The following GALNT13 variants were observed in gnomAD, a reference collection of about 807,000 sequenced individuals.
GALNT13 encodes polypeptide N-acetylgalactosaminyltransferase 13.
GALNT13 carries 28 observed loss-of-function variants against 64.2 expected under a neutral mutation model. The ratio of observed to expected loss-of-function variants is 0.44; its 90% CI spans 0.32 to 0.60. The LOEUF (loss-of-function observed/expected upper bound fraction) is 0.60, where lower values mean the gene tolerates loss of function less well. Ranked by LOEUF, GALNT13 falls within the 20% of genes least tolerant of loss-of-function variation. The probability of loss-of-function intolerance (pLI) is 0.05; values close to 1 mark genes in which losing one functional copy is unlikely to be tolerated. For synonymous variants in GALNT13, 214 were observed against 224.6 expected, an observed-to-expected ratio of 0.95 and a Z score of 0.42; for missense variants, 577 against 669.8, an observed-to-expected ratio of 0.86 and a Z score of 1.53.
chr2:153,682,000 A>G, the GALNT13 span, among the ~76,000 whole-genome samples: 17 of 151,682 alleles, frequency 1.1e-4, no homozygotes, highest in African/African-American at 4.1e-4. Context: ...GAATCTTTCT[A>G]TTGAGTAAAG....
At chr2:153,960,238 A>G (rs919050152) in intron 3 of GALNT13, among the ~76,000 whole-genome samples, 12 of 152,184 alleles carry the variant, frequency 7.9e-5, no homozygotes, top group Non-Finnish European at 1.6e-4. Flanking sequence ...TTGCTGCTTC[A>G]CTGATTGCTG....
chr2:153,112,505 T>C, the GALNT13 span, among the ~76,000 whole-genome samples: 2 of 151,464 alleles, frequency 1.3e-5, no homozygotes, highest in African/African-American at 4.9e-5. Flanking sequence ...TTTTGTTTTA[T>C]TTCTCAATTC....
At chr2:153,806,989 C>T in the GALNT13 span, among the ~76,000 whole-genome samples, 5 of 151,616 alleles carry the variant, frequency 3.3e-5, no homozygotes, top group Middle Eastern at 3.4e-3. Context: ...ATGGGGAAGG[C>T]GGAAAAGTGA....
chr2:153,939,722 A>T (rs1382162681), intron 2 of GALNT13, among the ~76,000 whole-genome samples: 1 of 152,176 alleles, frequency 6.6e-6, no homozygotes, highest in Admixed American at 6.5e-5. Context: ...GATGTTTCTG[A>T]TGATAACAAT....
chr2:154,448,390 G>A (rs554378107), intron 12 of GALNT13, among the ~76,000 whole-genome samples: 116 of 152,078 alleles, frequency 7.6e-4, no homozygotes, highest in Non-Finnish European at 1.5e-3. Context: ...GGGAAAAACT[G>A]TATTTGTAAG....
At chr2:154,278,015 C>G (rs1426423965) in intron 8 of GALNT13, among the ~76,000 whole-genome samples, 1 of 152,138 alleles carries the variant, frequency 6.6e-6, no homozygotes, top group Non-Finnish European at 1.5e-5. Context: ...CTTGCTTACT[C>G]CATAGCCTAG....
At chr2:153,965,742 C>G (rs1358904017) in intron 3 of GALNT13, among the ~76,000 whole-genome samples, 1 of 147,570 alleles carries the variant, frequency 6.8e-6, no homozygotes, top group Non-Finnish European at 1.5e-5. Flanking sequence ...ATCTTATAAT[C>G]AATGATTTTA....
In GALNT13 at chr2:154,058,691, G is replaced by C. The variant is rs574157863; in HGVS notation, c.143-81646G>C. On this transcript the variant is annotated intron_variant, in intron 3 of 12. Coordinates refer to ENST00000392825, the MANE Select transcript of GALNT13 (RefSeq NM_052917.4). ...TGGCATCATGTCTGCTGTGTTTGAA[G>C]AGTTGCAAGGGGCCAGTTTGGCTGG... Among the ~76,000 whole-genome samples the C allele has an allele frequency of 2.0e-4, 30 of 152,340 alleles. No individual in the cohort carries two copies. The East Asian group carries it at 5.6e-3, about 28-fold the overall frequency.
rs943394716 is a variant in GALNT13, at chr2:154,284,166, A to G, written c.976-17243A>G. On this transcript the variant is annotated intron_variant, in intron 8 of 12. Coordinates refer to ENST00000392825, the MANE Select transcript of GALNT13 (RefSeq NM_052917.4). ...TATTTAAGCAATTTTGAAATACAAA[A>G]TACATCATCATTAACTGTGGTCACC... is the stretch of plus-strand genomic sequence containing the variant. Among the ~76,000 whole-genome samples the G allele has an allele frequency of 8.5e-5, 13 of 152,282 alleles. No individual in the cohort carries two copies. In the South Asian group the frequency reaches 1.4e-3, roughly 17 times the overall value.
the GALNT13 span, among the ~76,000 whole-genome samples, chr2:153,857,163 T>G: frequency 6.6e-6 from 1 of 152,082 alleles, no homozygotes; most frequent in Non-Finnish European, 1.5e-5. Flanking sequence ...GTTTTCAAAT[T>G]TTGCAGGCTG....
the GALNT13 span, among the ~76,000 whole-genome samples, chr2:153,124,600 G>T: frequency 6.6e-6 from 1 of 152,112 alleles, no homozygotes; most frequent in Non-Finnish European, 1.5e-5. Context: ...CCACCTCCTG[G>T]GTTCAAGCGA....
At chr2:154,246,194 C>G (rs1393979867) in intron 7 of GALNT13, among the ~76,000 whole-genome samples, 1 of 151,922 alleles carries the variant, frequency 6.6e-6, no homozygotes, top group Non-Finnish European at 1.5e-5. Flanking sequence ...GGCAAAAATG[C>G]TAAATATCTT....
the GALNT13 span, among the ~76,000 whole-genome samples, chr2:153,209,301 G>A: frequency 6.6e-6 from 1 of 151,698 alleles, no homozygotes; most frequent in Admixed American, 6.6e-5. Flanking sequence ...TTTTTTCCTC[G>A]CCCTGTCTTA....
chr2:153,577,451 A>T, the GALNT13 span, among the ~76,000 whole-genome samples: 1 of 152,114 alleles, frequency 6.6e-6, no homozygotes, highest in African/African-American at 2.4e-5. Flanking sequence ...TTGCCTTTCT[A>T]GCTCACAGAA....
intron 8 of GALNT13, among the ~76,000 whole-genome samples, chr2:154,266,118 T>C (rs1304836967): frequency 6.6e-6 from 1 of 152,110 alleles, no homozygotes; most frequent in African/African-American, 2.4e-5. Context: ...GCAAACTATT[T>C]ATAGAAAACT....
chr2:153,584,544 A>C, the GALNT13 span, among the ~76,000 whole-genome samples: 1 of 152,188 alleles, frequency 6.6e-6, no homozygotes, highest in Non-Finnish European at 1.5e-5. Flanking sequence ...ACCATTCCCC[A>C]TACCACCCTG....
At chr2:153,191,411 T>G in the GALNT13 span, among the ~76,000 whole-genome samples, 63 of 152,276 alleles carry the variant, frequency 4.1e-4, no homozygotes, top group African/African-American at 1.5e-3. Flanking sequence ...ATTCCTGGGA[T>G]AAATTCTACT....
chr2:154,221,363 G>A (rs1250664519), intron 4 of GALNT13, among the ~76,000 whole-genome samples: 3 of 152,036 alleles, frequency 2.0e-5, no homozygotes, highest in Non-Finnish European at 4.4e-5. Context: ...TTCAAAGCCA[G>A]CATCTATTAT....
intron 2 of GALNT13, among the ~76,000 whole-genome samples, chr2:153,930,099 C>T (rs73009836): frequency 0.08 from 12,126 of 152,004 alleles, 822 homozygotes; most frequent in African/African-American, 0.17. Flanking sequence ...TTATTAGTGA[C>T]GTTTATCGTT....
Sources: gnomAD v4.1 joint callset for allele counts (sites outside exome capture counted in the v4.1 genomes callset) on GRCh38, gnomAD v4.1.1 for gene constraint, MANE v1.5 for transcripts, NCBI Gene and HGNC (gene_info 2026-07-23, HGNC 2026-07-21) for gene names.